Variants in ELP2 observed in about 807,000 individuals in gnomAD.
The protein encoded by ELP2 is elongator acetyltransferase complex subunit 2.
In ELP2, 90 loss-of-function variants were observed where a neutral mutation model predicts 119.2. That is an observed-to-expected ratio of 0.75 (90% CI 0.64 to 0.90). The LOEUF is 0.90. Among genes scored for constraint, ELP2 ranks in the 40% least tolerant of loss-of-function variants. The pLI is 0.00. For synonymous variants in ELP2, 339 were observed against 331.0 expected, an observed-to-expected ratio of 1.02 and a Z score of -0.26; for missense variants, 921 against 967.8, an observed-to-expected ratio of 0.95 and a Z score of 0.64.
chr18:36,172,300 T>G (rs1426419430), intron 21 of ELP2, among the ~76,000 whole-genome samples: 1 of 152,144 alleles, frequency 6.6e-6, no homozygotes, highest in Non-Finnish European at 1.5e-5. Context: ...GCTACTAATA[T>G]CATTCTGTGT....
chr18:36,140,435 C>T (rs921673199), intron 5 of ELP2, among the ~76,000 whole-genome samples: 1 of 152,112 alleles, frequency 6.6e-6, no homozygotes, highest in Non-Finnish European at 1.5e-5. Flanking sequence ...CAATCTCTGC[C>T]TCCTGGGTTT....
intron 19 of ELP2, among the ~76,000 whole-genome samples, chr18:36,168,801 C>T (rs2090984292): frequency 6.6e-6 from 1 of 152,046 alleles, no homozygotes; most frequent in Non-Finnish European, 1.5e-5. Flanking sequence ...GCAGCATTCG[C>T]TGGACATTCT....
chr18:36,138,572 T>TA, intron 4 of ELP2, 146 bp downstream of exon 4: 6 of 1,027,766 alleles, frequency 5.8e-6, no homozygotes, highest in Non-Finnish European at 8.5e-6. Flanking sequence ...CTTTTGCACT[T>TA]ATTTAAAATT....
chr18:36,142,421 T>A, intron 7 of ELP2, 74 bp downstream of exon 7: 1 of 1,263,938 alleles, frequency 7.9e-7, no homozygotes, highest in South Asian at 1.2e-5. Flanking sequence ...CAGCCTTTTT[T>A]GTTTTAATTT....
intron 9 of ELP2, among the ~76,000 whole-genome samples, chr18:36,145,645 G>A (rs185707068): frequency 6.6e-6 from 1 of 152,222 alleles, no homozygotes; most frequent in Admixed American, 6.5e-5. Context: ...AAAAAAAATT[G>A]GAATTATAGA....
chr18:36,145,682 C>T (rs530062132), intron 9 of ELP2, among the ~76,000 whole-genome samples: 2 of 152,196 alleles, frequency 1.3e-5, no homozygotes, highest in African/African-American at 2.4e-5. Context: ...TTTAGCTTAC[C>T]GTGTTTTGGA....
intron 17 of ELP2, among the ~76,000 whole-genome samples, chr18:36,161,772 C>T (rs1328779723): frequency 6.6e-6 from 1 of 152,152 alleles, no homozygotes; most frequent in African/African-American, 2.4e-5. Flanking sequence ...TGCCACTGAT[C>T]TGCATTTTGG....
intron 17 of ELP2, 104 bp from the exon 18 acceptor site, chr18:36,164,371 A>G: frequency 8.8e-7 from 1 of 1,140,482 alleles, no homozygotes; most frequent in East Asian, 2.4e-5. Context: ...GAATTCAAAC[A>G]GATAAATAAA....
chr18:36,170,313 T>C, intron 20 of ELP2, 117 bp downstream of exon 20: 1 of 1,018,980 alleles, frequency 9.8e-7, no homozygotes, highest in Non-Finnish European at 1.4e-6. Flanking sequence ...TTTTTTTTCT[T>C]TTTTTTTTTT....
In ELP2 at chr18:36,154,974, C is replaced by T; in HGVS notation, c.1250C>T (p.Pro417Leu). 6.2e-7 allele frequency: 1 copy of T among 1,613,748 alleles called. No individual in the cohort carries two copies. Among genetic ancestry groups the T allele is most frequent in the South Asian group, 1.1e-5 (1 of 91,076 alleles). The change falls in exon 12 of 22, where the codon CCA becomes CTA. Residue 417 changes from proline (P) to leucine (L), a missense_variant. Coordinates refer to ENST00000358232, the MANE Select transcript of ELP2 (RefSeq NM_018255.4). ...GATCAGACAACTAGACTTTTTGCTC[C>T]ATGGAAGAGAAAAGACCAATCACAG... ...GTDQTTRLFA[P>L]WKRKDQSQVT...
intron 18 of ELP2, among the ~76,000 whole-genome samples, chr18:36,166,319 G>GTTTTTTTTTGTTTTTTTTTTTTTTT (rs1568022192): frequency 1.4e-5 from 1 of 71,650 alleles, no homozygotes. Context: ...GTTTTTTAGG[G>GTTTTTTTTTGTTTTTTTTTTTTTTT]TTTTTTTTTT....
rs2084305909 is a variant in ELP2, at chr18:36,178,442, A to G, written c.*3801A>G. ...GGAAGGGAAGCCTGGAGATTGAAAGATACTTGAGACGTGTGAATCCAGTGC... is the reference window on the plus strand; with the variant it reads ...GGAAGGGAAGCCTGGAGATTGAAAGGTACTTGAGACGTGTGAATCCAGTGC... On this transcript the variant is annotated 3_prime_UTR_variant, in exon 22 of 22. Transcript: ENST00000358232. 6.6e-6 allele frequency: 1 copy of G among 152,242 alleles called. No individual in the cohort carries two copies. Among genetic ancestry groups the G allele is most frequent in the African/African-American group, 2.4e-5 (1 of 41,456 alleles). 9.4% of individuals were successfully genotyped at this position (152,242 alleles called of 1,614,324 possible).
intron 13 of ELP2, among the ~76,000 whole-genome samples, chr18:36,157,731 A>T (rs1195879398): frequency 6.6e-6 from 1 of 152,230 alleles, no homozygotes; most frequent in African/African-American, 2.4e-5. Context: ...CTCATGCTAC[A>T]GGCTTTCTTG....
At chr18:36,149,621 G>GAAGA (rs1175245845) in intron 11 of ELP2, among the ~76,000 whole-genome samples, 3 of 151,370 alleles carry the variant, frequency 2.0e-5, no homozygotes, top group African/African-American at 7.3e-5. Context: ...GCGATTTGGG[G>GAAGA]AAGAAAGAAA....
At chr18:36,149,483 G>GTTTTTT (rs561853812) in intron 11 of ELP2, among the ~76,000 whole-genome samples, 2,048 of 101,346 alleles carry the variant, frequency 0.02, 64 homozygotes, top group South Asian at 0.035. Flanking sequence ...TTTTTGTTTT[G>GTTTTTT]TTTTGTTTTT....
intron 3 of ELP2, chr18:36,136,605 G>T: frequency 1.9e-6 from 1 of 519,564 alleles, no homozygotes; most frequent in Non-Finnish European, 3.4e-6. Context: ...TGCCCAGGCT[G>T]GTCTCAGAAA....
rs1341063268 is a variant in ELP2, at chr18:36,174,493, A to G, written c.2333A>G (p.His778Arg). ...CTCTATCTTTGTTTTAGCCAAAGTC[A>G]TACACTGGCTATCAGAAAATTATGC... ...HCVETSQSQS[H>R]TLAIRKLCWK... The change falls in exon 22 of 22, where the codon CAT becomes CGT. Residue 778 changes from histidine to arginine, a missense_variant. Coordinates refer to ENST00000358232, the MANE Select transcript of ELP2 (RefSeq NM_018255.4). The G allele has an allele frequency of 6.2e-7, 1 of 1,613,892 alleles. No homozygotes were observed. The highest frequency in any genetic ancestry group is 2.2e-5 in the East Asian group (1 of 44,888).
Position 36,177,579 on chromosome 18 carries a change from G to GTT in ELP2, c.*2939_*2940dup. 1 of 151,502 alleles carries GTT rather than the reference G, an allele frequency of 6.6e-6. No homozygotes were observed. Among genetic ancestry groups the GTT allele is most frequent in the South Asian group, 2.1e-4 (1 of 4,826 alleles). The allele number at this position is 151,502 out of a possible 1,614,324, so 9.4% of individuals were successfully genotyped here. On this transcript the variant is annotated 3_prime_UTR_variant, in exon 22 of 22. Coordinates refer to ENST00000358232, the MANE Select transcript of ELP2 (RefSeq NM_018255.4). The stretch of plus-strand genomic sequence containing the variant: ...AAAAGTCCTGTGGATTGGTTGCACA[G>GTT]TTAAGTTATGTGAATGCTGTATGCC...
At chr18:36,160,785 A>G (rs996384523) in intron 16 of ELP2, 147 bp from the exon 17 acceptor site, 3 of 623,078 alleles carry the variant, frequency 4.8e-6, no homozygotes, top group South Asian at 3.7e-5. Context: ...TTTCTCTCAA[A>G]TGTTTGCCTA....
Sources: allele counts gnomAD v4.1 joint callset (sites outside exome capture counted in the v4.1 genomes callset), GRCh38; gene constraint gnomAD v4.1.1; transcripts MANE v1.5; gene names NCBI Gene and HGNC (gene_info 2026-07-23, HGNC 2026-07-21).